Variants in ZC3H11A observed in about 807,000 individuals in gnomAD.
ZC3H11A encodes the protein zinc finger CCCH domain-containing protein 11A.
A neutral mutation model predicts 90.8 loss-of-function variants in ZC3H11A; 22 were observed. The observed-to-expected ratio is 0.24, with a 90% CI of 0.17 to 0.35. The LOEUF (loss-of-function observed/expected upper bound fraction) is 0.35, where lower values mean the gene tolerates loss of function less well. ZC3H11A is among the 10% of genes least tolerant of loss of function. The pLI is 1.00. For synonymous variants in ZC3H11A, 294 were observed against 339.8 expected, an observed-to-expected ratio of 0.87 and a Z score of 1.48; for missense variants, 701 against 964.9, an observed-to-expected ratio of 0.73 and a Z score of 3.62.
chr1:203,807,367 C>T, intron 2 of ZC3H11A, among the ~76,000 whole-genome samples: 1 of 152,058 alleles, frequency 6.6e-6, no homozygotes, highest in East Asian at 1.9e-4. Flanking sequence ...CTCAGTGCAA[C>T]CTCAAACTCC....
intron 1 of ZC3H11A, chr1:203,796,421 G>A (rs751106650): frequency 1.0e-4 from 41 of 398,938 alleles, no homozygotes; most frequent in Non-Finnish European, 1.6e-4. Flanking sequence ...GGAGTCAAGA[G>A]CAACAGGGAC....
chr1:203,847,614 C>T lies in ZC3H11A; in HGVS notation c.1473C>T (p.Ser491=), dbSNP rs752354463. 5.0e-6 allele frequency: 8 copies of T among 1,613,484 alleles called. No homozygotes were observed. The East Asian group carries it at 1.8e-4, about 36-fold the overall frequency. Residue 491 remains serine (S), a synonymous_variant, in exon 13 of 18, where the codon AGC becomes AGT. Coordinates refer to ENST00000367210, the MANE Select transcript of ZC3H11A (RefSeq NM_001376342.1). ...TGAGGGTGCAGCAGAGCTCTGAGAG[C>T]AGCACCAGCTCCCCGTCTCAACACG... ...KALRVQQSSE[S]STSSPSQHEA... is the part of the protein sequence containing the mutation.
In ZC3H11A at chr1:203,825,421, G is replaced by A. The variant is rs572353157; in HGVS notation, c.175-2878G>A. Among the ~76,000 whole-genome samples the A allele has an allele frequency of 1.1e-3, 152 of 142,478 alleles. 1 individual carries two copies. Among genetic ancestry groups the A allele is most frequent in the African/African-American group, 3.8e-3 (147 of 38,762 alleles). The allele number at this position is 142,478 out of a possible 152,430, so 93.5% of individuals were successfully genotyped here. ...ATAATTATGTAGGAGAAATATTACT[G>A]TGGAGGATTTTTTTTTTTTTTTTTT... On this transcript the variant is annotated intron_variant, in intron 4 of 17. Transcript: ENST00000367210.
chr1:203,833,666 C>G (rs1683243066), intron 9 of ZC3H11A, 125 bp from the exon 10 acceptor site: 2 of 525,342 alleles, frequency 3.8e-6, no homozygotes, highest in South Asian at 5.0e-5. Flanking sequence ...AGACTGAGAC[C>G]TGATTTTCAA....
At chr1:203,836,924 C>T (rs1684532496) in intron 10 of ZC3H11A, among the ~76,000 whole-genome samples, 1 of 152,200 alleles carries the variant, frequency 6.6e-6, no homozygotes, top group African/African-American at 2.4e-5. Flanking sequence ...TTAAAGTCTT[C>T]ATACTAAAAA....
intron 12 of ZC3H11A, among the ~76,000 whole-genome samples, chr1:203,845,621 T>G (rs1687676368): frequency 6.6e-6 from 1 of 152,180 alleles, no homozygotes; most frequent in Non-Finnish European, 1.5e-5. Context: ...TCCCAGCACT[T>G]TGGGAGGCCA....
Position 203,797,490 on chromosome 1 carries a change from G to T in ZC3H11A, c.-1588+1696G>T, listed in dbSNP as rs946166. 4.5e-3 allele frequency: 6,634 copies of T among 1,459,148 alleles called. 169 individuals carry two copies. In the African/African-American group the frequency reaches 0.062, roughly 14 times the overall value. The allele number at this position is 1,459,148 out of a possible 1,614,324, so 90.4% of individuals were successfully genotyped here. A position where few individuals can be genotyped will look rare whatever the true frequency, so the allele number is the denominator to read the frequency against. On this transcript the variant is annotated intron_variant, in intron 1 of 17. Coordinates refer to ENST00000367210, the MANE Select transcript of ZC3H11A (RefSeq NM_001376342.1). ...TGCTTGAGTAATAAACCCACTAACAGATTCTGGTACGAATTGTGGAGACAT... is the reference window on the plus strand; with the variant it reads ...TGCTTGAGTAATAAACCCACTAACATATTCTGGTACGAATTGTGGAGACAT...
At chr1:203,837,910 C>T in intron 10 of ZC3H11A, 56 bp from the exon 11 acceptor site, 1 of 1,537,300 alleles carries the variant, frequency 6.5e-7, no homozygotes, top group Admixed American at 1.8e-5. Context: ...GTTTGTATTT[C>T]TTGTCCTTGC....
rs539746818 is a variant in ZC3H11A at position 203,838,499 on chromosome 1, A to T, written c.973+435A>T. Among the ~76,000 whole-genome samples, 76 of 152,308 alleles carry T rather than the reference A, an allele frequency of 5.0e-4. No homozygotes were observed. In the Middle Eastern group the frequency reaches 0.014, roughly 27 times the overall value. ...GACTGTGTCTCAGGCAGAGAGAATA[A>T]CTCCTGCAAAGGCAGAGCTAAGAGT... On this transcript the variant is annotated intron_variant, in intron 11 of 17. Coordinates refer to ENST00000367210, the MANE Select transcript of ZC3H11A (RefSeq NM_001376342.1).
intron 12 of ZC3H11A, among the ~76,000 whole-genome samples, chr1:203,843,218 C>T (rs1686961549): frequency 6.6e-6 from 1 of 152,062 alleles, no homozygotes; most frequent in Non-Finnish European, 1.5e-5. Flanking sequence ...GTTCATTCTG[C>T]TAAATCAGTA....
intron 2 of ZC3H11A, among the ~76,000 whole-genome samples, chr1:203,808,182 T>C (rs1042636113): frequency 1.4e-4 from 21 of 152,248 alleles, no homozygotes; most frequent in Admixed American, 1.1e-3. Context: ...TAAAAACTTC[T>C]AAGTTCTGAG....
chr1:203,833,795 A>G lies in ZC3H11A; in HGVS notation c.816A>G (p.Glu272=). The G allele has an allele frequency of 6.2e-7, 1 of 1,605,566 alleles. No homozygotes were observed. Among genetic ancestry groups the G allele is most frequent in the East Asian group, 2.2e-5 (1 of 44,576 alleles). ...ATTCTGCTTTTGCCATTTCAGGAGA[A>G]GAACCCTTGGTTAGATTGAGTCTTA... ...RTVTLSTKQG[E]EPLVRLSLTE... is the part of the protein sequence containing the mutation. The change falls in exon 10 of 18, where the codon GAA becomes GAG. Residue 272 remains glutamate (E), a synonymous_variant. Coordinates refer to ENST00000367210, the MANE Select transcript of ZC3H11A (RefSeq NM_001376342.1).
intron 13 of ZC3H11A, among the ~76,000 whole-genome samples, chr1:203,847,982 A>G (rs542354549): frequency 5.3e-5 from 8 of 152,206 alleles, no homozygotes; most frequent in African/African-American, 1.7e-4. Context: ...CAGCCTCCCA[A>G]GTAGCTGGGG....
rs1214233144 is a variant in ZC3H11A at position 203,838,138 on chromosome 1, G to A, written c.973+74G>A. 3 of 1,384,008 alleles carry A rather than the reference G, an allele frequency of 2.2e-6. No homozygotes were observed. The African/African-American group carries it at 4.3e-5, about 20-fold the overall frequency. The allele number at this position is 1,384,008 out of a possible 1,614,324, so 85.7% of individuals were successfully genotyped here. A position where few individuals can be genotyped will look rare whatever the true frequency, so the allele number is the denominator to read the frequency against. Reference sequence around the variant, plus strand: ...GTGTCTTGTAATGCTAACAGCTATGGTTTTTCATTCTTTTGTTCAGGTAAA... The same window carrying A: ...GTGTCTTGTAATGCTAACAGCTATGATTTTTCATTCTTTTGTTCAGGTAAA... On this transcript the variant is annotated intron_variant, in intron 11 of 17. Transcript: ENST00000367210.
chr1:203,818,535 A>G lies in ZC3H11A; in HGVS notation c.55-35A>G, dbSNP rs187133380. The G allele has an allele frequency of 3.3e-4, 529 of 1,613,118 alleles. 1 individual carries two copies. In the African/African-American group the frequency reaches 3.3e-3, roughly 10 times the overall value. On this transcript the variant is annotated intron_variant, in intron 3 of 17. Coordinates refer to ENST00000367210, the MANE Select transcript of ZC3H11A (RefSeq NM_001376342.1). ...GATATTTTACCTAGGATGTATTTCA[A>G]TGCTACAAATAGAGTGTTCTCTATT...
chr1:203,849,516 A>T (rs1028593052), intron 14 of ZC3H11A, among the ~76,000 whole-genome samples, 195 bp from the exon 15 acceptor site: 2 of 152,144 alleles, frequency 1.3e-5, no homozygotes, highest in Admixed American at 1.3e-4. Context: ...TGGGTTTTTT[A>T]TTATTCCATA....
intron 1 of ZC3H11A, chr1:203,800,462 A>T: frequency 6.8e-7 from 1 of 1,480,500 alleles, no homozygotes; most frequent in East Asian, 2.5e-5. Flanking sequence ...TACTGCCTTA[A>T]TTTCTTTTTC....
In ZC3H11A at chr1:203,853,283, A is replaced by G. The variant is rs1282390672; in HGVS notation, c.*884A>G. 1 of 152,568 alleles carries G rather than the reference A, an allele frequency of 6.6e-6. No homozygotes were observed. The highest frequency in any genetic ancestry group is 1.9e-4 in the East Asian group (1 of 5,192). 9.5% of individuals were successfully genotyped at this position (152,568 alleles called of 1,614,324 possible). On this transcript the variant is annotated 3_prime_UTR_variant, in exon 18 of 18. Transcript: ENST00000367210. ...TCCCAACAAACCCCTGTTGCCCAGT[A>G]TTTGTTTGGTGGCCTTTAACCACCT...
intron 2 of ZC3H11A, among the ~76,000 whole-genome samples, chr1:203,813,365 C>T (rs932618320): frequency 5.3e-5 from 8 of 152,060 alleles, no homozygotes; most frequent in Non-Finnish European, 1.2e-4. Context: ...CACCACCATG[C>T]CTGGCTAAAT....
Sources: gnomAD v4.1 joint callset for allele counts (sites outside exome capture counted in the v4.1 genomes callset) on GRCh38, gnomAD v4.1.1 for gene constraint, MANE v1.5 for transcripts, NCBI Gene and HGNC (gene_info 2026-07-23, HGNC 2026-07-21) for gene names.